UGP2: variants seen among roughly 807,000 people sequenced by gnomAD.
UGP2 encodes UDP-glucose pyrophosphorylase 2.
UGP2 carries 40 observed loss-of-function variants against 49.0 expected under a neutral mutation model. The ratio of observed to expected loss-of-function variants is 0.82; its 90% CI spans 0.63 to 1.06. UGP2 has a LOEUF of 1.06. UGP2 is among the 50% of genes least tolerant of loss of function. The pLI, the probability that UGP2 is intolerant of heterozygous loss-of-function variation, is 0.00. For missense variants in UGP2, 460 were observed against 603.5 expected, an observed-to-expected ratio of 0.76 and a Z score of 2.49; for synonymous variants, 225 against 213.0, an observed-to-expected ratio of 1.06 and a Z score of -0.49.
intron 3 of UGP2, among the ~76,000 whole-genome samples, chr2:63,876,171 CTGCT>C (rs1670893156): frequency 6.6e-6 from 1 of 152,074 alleles, no homozygotes; most frequent in Non-Finnish European, 1.5e-5. Context: ...CTCTGTGGGA[CTGCT>C]TGGTTAGGTG....
intron 1 of UGP2, chr2:63,854,792 T>C (rs1302435102): frequency 6.6e-6 from 1 of 152,252 alleles, no homozygotes; most frequent in Non-Finnish European, 1.5e-5. Context: ...CAAATTATTC[T>C]TCATGTGCAT....
chr2:63,866,847 T>C (rs1371293386), intron 3 of UGP2, among the ~76,000 whole-genome samples: 2 of 152,148 alleles, frequency 1.3e-5, no homozygotes, highest in African/African-American at 4.8e-5. Flanking sequence ...TCTAGGCGGA[T>C]GCATTTTTTA....
intron 3 of UGP2, among the ~76,000 whole-genome samples, chr2:63,859,515 CAG>C (rs917300952): frequency 2.2e-4 from 34 of 151,994 alleles, no homozygotes; most frequent in Admixed American, 7.9e-4. Flanking sequence ...AAGTGGGGGT[CAG>C]AGGGTGGAGA....
chr2:63,870,198 C>T (rs1050703580), intron 3 of UGP2, among the ~76,000 whole-genome samples: 12 of 151,946 alleles, frequency 7.9e-5, no homozygotes, highest in African/African-American at 2.4e-4. Context: ...CTGGGATTAC[C>T]GGTGTGAGCC....
chr2:63,871,784 C>G lies in UGP2; in HGVS notation c.256-10682C>G, dbSNP rs139319086. 6.8e-4 allele frequency among the ~76,000 whole-genome samples: 103 copies of G among 152,320 alleles called. No homozygotes were observed. The Middle Eastern group carries it at 0.01, about 15-fold the overall frequency. On this transcript the variant is annotated intron_variant, in intron 3 of 9. Transcript: ENST00000337130. ...ATATAGCCTTAGTTAGAGAGACCCT[C>G]TTTTCTCTGGCCATCCTGAGGCGTC...
rs34467113 is a variant in UGP2 at position 63,881,348 on chromosome 2, T to TACACACACACAC, written c.256-1099_256-1088dup. Among the ~76,000 whole-genome samples, 99 of 145,926 alleles carry TACACACACACAC rather than the reference T, an allele frequency of 6.8e-4. 1 individual carries two copies. The highest frequency in any genetic ancestry group is 2.3e-3 in the African/African-American group (91 of 39,676). On this transcript the variant is annotated intron_variant, in intron 3 of 9. Transcript: ENST00000337130. ...TTCTTTCCCAGTCACACCTACCCAT[T>TACACACACACAC]ACACACACACACACACACACACACA...
intron 3 of UGP2, among the ~76,000 whole-genome samples, chr2:63,871,750 G>A (rs772447102): frequency 5.3e-5 from 8 of 152,210 alleles, no homozygotes; most frequent in South Asian, 2.1e-4. Flanking sequence ...GTGGAAGCAC[G>A]AAGCCAACAT....
At chr2:63,874,511 C>T (rs1278057281) in intron 3 of UGP2, among the ~76,000 whole-genome samples, 1 of 152,132 alleles carries the variant, frequency 6.6e-6, no homozygotes, top group Non-Finnish European at 1.5e-5. Context: ...TTTCAAGGAG[C>T]AGGCAGAAAG....
chr2:63,871,370 C>T (rs911625850), intron 3 of UGP2, among the ~76,000 whole-genome samples: 2 of 152,146 alleles, frequency 1.3e-5, no homozygotes, highest in East Asian at 3.9e-4. Flanking sequence ...ACCGTAACCT[C>T]TGCCTCCCAG....
At chr2:63,845,816 C>T (rs1007697563) in intron 1 of UGP2, among the ~76,000 whole-genome samples, 1 of 152,170 alleles carries the variant, frequency 6.6e-6, no homozygotes, top group East Asian at 1.9e-4. Flanking sequence ...GTATCTCCTT[C>T]TCCAAATCCT....
chr2:63,890,037 G>A (rs1671980367), intron 8 of UGP2, 44 bp from the exon 9 acceptor site: 1 of 1,430,608 alleles, frequency 7.0e-7, no homozygotes, highest in Non-Finnish European at 9.7e-7. Flanking sequence ...GTCTTTCTTT[G>A]AACCCATTTG....
At chr2:63,890,502 C>G (rs147957850) in intron 9 of UGP2, among the ~76,000 whole-genome samples, 16 of 152,192 alleles carry the variant, frequency 1.1e-4, no homozygotes, top group African/African-American at 2.9e-4. Context: ...TCATTCCAGC[C>G]TCACGTAAGA....
At chr2:63,890,058 T>C in intron 8 of UGP2, 23 bp from the exon 9 acceptor site, 1 of 1,566,962 alleles carries the variant, frequency 6.4e-7, no homozygotes, top group Non-Finnish European at 8.7e-7. Context: ...AGACAAATTT[T>C]TATGTTTCTC....
chr2:63,860,393 G>T (rs1355602245), intron 3 of UGP2, among the ~76,000 whole-genome samples: 1 of 152,156 alleles, frequency 6.6e-6, no homozygotes, highest in Non-Finnish European at 1.5e-5. Flanking sequence ...TTGCAACAAT[G>T]GCAGAGTTGA....
intron 3 of UGP2, among the ~76,000 whole-genome samples, chr2:63,860,934 A>G (rs981552272): frequency 6.6e-6 from 1 of 151,734 alleles, no homozygotes; most frequent in Non-Finnish European, 1.5e-5. Flanking sequence ...TTGAAATTTT[A>G]TATTGTGAGG....
At chr2:63,889,977 CA>C in intron 8 of UGP2, 103 bp from the exon 9 acceptor site, 11 of 863,508 alleles carry the variant, frequency 1.3e-5, no homozygotes, top group Middle Eastern at 3.0e-4. Context: ...TGAGCTTTGC[CA>C]AAAAAGGTTT....
intron 3 of UGP2, among the ~76,000 whole-genome samples, chr2:63,869,426 T>C (rs1472399943): frequency 3.3e-5 from 5 of 152,248 alleles, no homozygotes; most frequent in African/African-American, 7.2e-5. Flanking sequence ...CTTTTTTCCA[T>C]TGGCTGTTGT....
At chr2:63,877,999 CAAAAAAAAAA>C (rs61669991) in intron 3 of UGP2, among the ~76,000 whole-genome samples, 30 of 67,908 alleles carry the variant, frequency 4.4e-4, no homozygotes, top group South Asian at 6.4e-4. Flanking sequence ...GACTCCGTCT[CAAAAAAAAAA>C]AAAAAAAAAA....
upstream of UGP2, chr2:63,841,779 C>T: frequency 6.2e-6 from 1 of 161,706 alleles, no homozygotes; most frequent in East Asian, 1.8e-4. Flanking sequence ...CGCGGCCTGC[C>T]AGTGCCTCCT....
Sources: gnomAD v4.1 joint callset for allele counts (sites outside exome capture counted in the v4.1 genomes callset) on GRCh38, gnomAD v4.1.1 for gene constraint, MANE v1.5 for transcripts, NCBI Gene and HGNC (gene_info 2026-07-23, HGNC 2026-07-21) for gene names.